Variants in TNFRSF11B observed in about 807,000 individuals in gnomAD.
TNFRSF11B encodes the protein tumor necrosis factor receptor superfamily member 11B.
Under a neutral mutation model 43.4 loss-of-function variants are expected in TNFRSF11B, and 16 were observed. The observed-to-expected ratio is 0.37, with a 90% CI of 0.25 to 0.56. TNFRSF11B has a LOEUF of 0.56. TNFRSF11B is among the 20% of genes least tolerant of loss of function. The probability of loss-of-function intolerance (pLI) is 0.80; values close to 1 mark genes in which losing one functional copy is unlikely to be tolerated. For missense variants in TNFRSF11B, 444 were observed against 490.1 expected (o/e 0.91, Z 0.89); for synonymous variants, 185 against 181.8 (o/e 1.02, Z -0.14).
At chr8:118,949,231 A>G (rs915514971) in intron 1 of TNFRSF11B, among the ~76,000 whole-genome samples, 2 of 151,998 alleles carry the variant, frequency 1.3e-5, no homozygotes, top group African/African-American at 2.4e-5. Context: ...TTTGCTACAC[A>G]ATCTTGCCTT....
intron 1 of TNFRSF11B, among the ~76,000 whole-genome samples, chr8:118,945,430 C>A (rs1020019066): frequency 1.3e-5 from 2 of 151,876 alleles, no homozygotes; most frequent in Non-Finnish European, 2.9e-5. Context: ...CAACTGAGAA[C>A]TTTGGAACCT....
chr8:118,934,871 G>A (rs751498656), intron 1 of TNFRSF11B, among the ~76,000 whole-genome samples: 2 of 152,158 alleles, frequency 1.3e-5, no homozygotes, highest in African/African-American at 2.4e-5. Context: ...ATTAGGGGTG[G>A]CAAAGATAAA....
In TNFRSF11B at chr8:118,923,813, T is replaced by C. The variant is rs1394362777; in HGVS notation, c.*561A>G. On this transcript the variant is annotated 3_prime_UTR_variant, in exon 5 of 5. Coordinates refer to ENST00000297350, the MANE Select transcript of TNFRSF11B (RefSeq NM_002546.4). ...CCTATTAGAAAAATGCTACAAACTTTCCATTAAAAATATATATTTTCTCTT... is the reference window on the plus strand; with the variant it reads ...CCTATTAGAAAAATGCTACAAACTTCCCATTAAAAATATATATTTTCTCTT... 2 of 152,642 alleles carry C rather than the reference T, an allele frequency of 1.3e-5. No homozygotes were observed. The highest frequency in any genetic ancestry group is 3.9e-4 in the East Asian group (2 of 5,192). The allele number at this position is 152,642 out of a possible 1,614,324, so 9.5% of individuals were successfully genotyped here.
At chr8:118,947,830 A>G (rs1812589281) in intron 1 of TNFRSF11B, among the ~76,000 whole-genome samples, 1 of 152,214 alleles carries the variant, frequency 6.6e-6, no homozygotes, top group African/African-American at 2.4e-5. Context: ...TGAGTCACCA[A>G]TATTACACGT....
intron 2 of TNFRSF11B, chr8:118,930,732 C>T (rs1812316440): frequency 4.4e-6 from 2 of 450,730 alleles, no homozygotes; most frequent in African/African-American, 4.0e-5. Context: ...GTTCATTCTT[C>T]AGATACATAT....
At chr8:118,947,103 G>A (rs1276482363) in intron 1 of TNFRSF11B, among the ~76,000 whole-genome samples, 1 of 152,142 alleles carries the variant, frequency 6.6e-6, no homozygotes, top group Non-Finnish European at 1.5e-5. Flanking sequence ...GTATTGATAT[G>A]AACCTTTATA....
At chr8:118,936,452 T>A (rs1812407363) in intron 1 of TNFRSF11B, among the ~76,000 whole-genome samples, 1 of 152,138 alleles carries the variant, frequency 6.6e-6, no homozygotes, top group East Asian at 1.9e-4. Context: ...CACACAGAAT[T>A]TCTGGACTCA....
At chr8:118,946,366 A>T (rs1453598421) in intron 1 of TNFRSF11B, among the ~76,000 whole-genome samples, 1 of 152,128 alleles carries the variant, frequency 6.6e-6, no homozygotes, top group African/African-American at 2.4e-5. Context: ...ATCCCTTACA[A>T]CTGTCTAAAA....
At chr8:118,929,875 A>G (rs1039415539) in intron 2 of TNFRSF11B, among the ~76,000 whole-genome samples, 1 of 152,268 alleles carries the variant, frequency 6.6e-6, no homozygotes, top group African/African-American at 2.4e-5. Context: ...TATGCAAGAT[A>G]ACAAATATGA....
intron 4 of TNFRSF11B, among the ~76,000 whole-genome samples, chr8:118,925,935 C>T (rs1359108633): frequency 2.0e-5 from 3 of 152,218 alleles, no homozygotes; most frequent in Admixed American, 6.5e-5. Flanking sequence ...TTTGCTGTAA[C>T]TAGCTTTTTC....
At chr8:118,950,661 C>A (rs991322974) in intron 1 of TNFRSF11B, among the ~76,000 whole-genome samples, 1 of 152,196 alleles carries the variant, frequency 6.6e-6, no homozygotes. Context: ...TTTAAAAGCA[C>A]TCCATAGTAT....
chr8:118,949,998 T>C (rs1489685194), intron 1 of TNFRSF11B, among the ~76,000 whole-genome samples: 1 of 152,172 alleles, frequency 6.6e-6, no homozygotes, highest in Non-Finnish European at 1.5e-5. Context: ...GTTCAAGACA[T>C]ATACGAAGTC....
At chr8:118,948,515 A>G (rs572375977) in intron 1 of TNFRSF11B, among the ~76,000 whole-genome samples, 3 of 152,208 alleles carry the variant, frequency 2.0e-5, no homozygotes, top group Non-Finnish European at 4.4e-5. Flanking sequence ...CAGCACTGCC[A>G]TAGCTCTCCT....
chr8:118,942,219 TC>T (rs1200264469), intron 1 of TNFRSF11B, among the ~76,000 whole-genome samples: 1 of 38,926 alleles, frequency 2.6e-5, no homozygotes, highest in South Asian at 1.5e-3. Flanking sequence ...CCCTTCCCCC[TC>T]CCCCCACCCC....
chr8:118,945,282 G>A (rs1812540788), intron 1 of TNFRSF11B, among the ~76,000 whole-genome samples: 1 of 131,666 alleles, frequency 7.6e-6, no homozygotes, highest in East Asian at 2.5e-4. Context: ...ACAATTGTGT[G>A]TGTGTTTAAT....
intron 1 of TNFRSF11B, among the ~76,000 whole-genome samples, chr8:118,939,658 A>G (rs1202046216): frequency 6.6e-6 from 1 of 152,208 alleles, no homozygotes; most frequent in Non-Finnish European, 1.5e-5. Flanking sequence ...AAGAAAGAGA[A>G]GGAATTTGGT....
chr8:118,938,593 C>A (rs1231264214), intron 1 of TNFRSF11B, among the ~76,000 whole-genome samples: 1 of 152,122 alleles, frequency 6.6e-6, no homozygotes, highest in Non-Finnish European at 1.5e-5. Context: ...AAAGTAAGCC[C>A]TAAAGTGCTT....
chr8:118,937,347 T>C (rs933406229), intron 1 of TNFRSF11B, among the ~76,000 whole-genome samples: 1 of 152,202 alleles, frequency 6.6e-6, no homozygotes, highest in Non-Finnish European at 1.5e-5. Flanking sequence ...GTTTTATTTG[T>C]GGAACCCCTC....
At chr8:118,928,632 G>GA in intron 3 of TNFRSF11B, 106 bp downstream of exon 3, 2 of 1,268,014 alleles carry the variant, frequency 1.6e-6, no homozygotes, top group Non-Finnish European at 2.3e-6. Flanking sequence ...TCAAGAAAGG[G>GA]AAAATGTAAG....
Sources: allele counts gnomAD v4.1 joint callset (sites outside exome capture counted in the v4.1 genomes callset), GRCh38; gene constraint gnomAD v4.1.1; transcripts MANE v1.5; gene names NCBI Gene and HGNC (gene_info 2026-07-23, HGNC 2026-07-21).